BRINP3: variants seen among roughly 807,000 people sequenced by gnomAD.
BRINP3 encodes BMP/retinoic acid inducible neural specific 3.
In BRINP3, 19 loss-of-function variants were observed where a neutral mutation model predicts 71.0. The observed-to-expected ratio is 0.27, with a 90% CI of 0.19 to 0.39. The LOEUF is 0.39. Ranked by LOEUF, BRINP3 falls within the 10% of genes least tolerant of loss-of-function variation. The pLI, the probability that BRINP3 is intolerant of heterozygous loss-of-function variation, is 1.00. For missense variants in BRINP3, 959 were observed against 940.8 expected (o/e 1.02, Z -0.25); for synonymous variants, 380 against 337.7 (o/e 1.13, Z -1.37).
At chr1:190,453,358 C>T (rs1341753986) in intron 2 of BRINP3, among the ~76,000 whole-genome samples, 3 of 151,054 alleles carry the variant, frequency 2.0e-5, no homozygotes, top group Non-Finnish European at 4.4e-5. Context: ...GTAGCTGGGA[C>T]TACAGGCGCT....
At chr1:190,397,113 T>C (rs1671629525) in intron 2 of BRINP3, among the ~76,000 whole-genome samples, 2 of 151,880 alleles carry the variant, frequency 1.3e-5, no homozygotes, top group African/African-American at 4.8e-5. Flanking sequence ...AAAATTTAGA[T>C]AGATTTTGGT....
intron 2 of BRINP3, among the ~76,000 whole-genome samples, chr1:190,348,503 T>C (rs1363112254): frequency 6.6e-6 from 1 of 152,182 alleles, no homozygotes; most frequent in Non-Finnish European, 1.5e-5. Flanking sequence ...AGTTTGTTTC[T>C]GTCTGTGCTT....
intron 2 of BRINP3, among the ~76,000 whole-genome samples, chr1:190,380,038 A>C (rs1026860074): frequency 7.2e-6 from 1 of 138,032 alleles, no homozygotes; most frequent in African/African-American, 2.6e-5. Context: ...AAAAAAAAAA[A>C]GAATATTTTT....
chr1:190,413,785 G>T (rs1179124908), intron 2 of BRINP3, among the ~76,000 whole-genome samples: 2 of 151,890 alleles, frequency 1.3e-5, no homozygotes, highest in Non-Finnish European at 2.9e-5. Context: ...GCAGCTGAGA[G>T]AAACTAACAT....
At chr1:190,124,478 T>C (rs1428746748) in intron 7 of BRINP3, among the ~76,000 whole-genome samples, 3 of 152,146 alleles carry the variant, frequency 2.0e-5, no homozygotes, top group African/African-American at 4.8e-5. Flanking sequence ...CAATAACTTA[T>C]GTTTTTATTC....
rs943624663 is a variant in BRINP3, at chr1:190,355,042, C to A, written c.237-73292G>T. On this transcript the variant is annotated intron_variant, in intron 2 of 7. Transcript: ENST00000367462. ...TCTTCAGATTTTATGAATAAGAAAT[C>A]AGAATTCTCAGGAAAACTCAGGAAT... Among the ~76,000 whole-genome samples the A allele has an allele frequency of 7.2e-5, 11 of 151,768 alleles. No individual in the cohort carries two copies. In the Admixed American group the frequency reaches 7.3e-4, roughly 10 times the overall value.
intron 1 of BRINP3, among the ~76,000 whole-genome samples, chr1:190,461,988 G>A (rs975077565): frequency 2.6e-5 from 4 of 152,114 alleles, no homozygotes; most frequent in Admixed American, 6.6e-5. Flanking sequence ...GATCTCAGTC[G>A]CTGCAACCTC....
chr1:190,411,650 A>G (rs1042188352), intron 2 of BRINP3, among the ~76,000 whole-genome samples: 6 of 152,202 alleles, frequency 3.9e-5, no homozygotes, highest in Non-Finnish European at 8.8e-5. Flanking sequence ...TATGGTCTAT[A>G]TAACTAAGGT....
intron 2 of BRINP3, among the ~76,000 whole-genome samples, chr1:190,397,791 T>C (rs1671675061): frequency 6.6e-6 from 1 of 151,884 alleles, no homozygotes; most frequent in African/African-American, 2.4e-5. Flanking sequence ...CCTTACAATT[T>C]ATTAAGAAAA....
chr1:190,228,681 C>A (rs1439937577), intron 5 of BRINP3, among the ~76,000 whole-genome samples: 5 of 151,876 alleles, frequency 3.3e-5, no homozygotes. Flanking sequence ...GCTCAAAACA[C>A]TTGAATTTTA....
chr1:190,111,561 A>G (rs973398330), intron 7 of BRINP3, among the ~76,000 whole-genome samples: 5 of 152,178 alleles, frequency 3.3e-5, no homozygotes, highest in African/African-American at 1.2e-4. Flanking sequence ...CCTTAGAGTT[A>G]GAGGTAGCTA....
rs1269606059 is a variant in BRINP3 at position 190,412,412 on chromosome 1, T to TAC, written c.236+42242_236+42243insGT. On this transcript the variant is annotated intron_variant, in intron 2 of 7. Coordinates refer to ENST00000367462, the MANE Select transcript of BRINP3 (RefSeq NM_199051.3). ...TATATATATTATATATATATATATA[T>TAC]ATACACTTTTTTTTACTATGTAGTA... Among the ~76,000 whole-genome samples, 16 of 141,016 alleles carry TAC rather than the reference T, an allele frequency of 1.1e-4. No homozygotes were observed. In the South Asian group the frequency reaches 1.8e-3, roughly 16 times the overall value. 92.5% of individuals were successfully genotyped at this position (141,016 alleles called of 152,430 possible).
At chr1:190,240,633 G>T (rs1249774422) in intron 4 of BRINP3, among the ~76,000 whole-genome samples, 4 of 151,926 alleles carry the variant, frequency 2.6e-5, no homozygotes, top group Non-Finnish European at 4.4e-5. Context: ...ACTTTGGGAG[G>T]CCGAGGAGGG....
chr1:190,232,651 A>C (rs999471456), intron 5 of BRINP3, among the ~76,000 whole-genome samples: 1 of 151,684 alleles, frequency 6.6e-6, no homozygotes, highest in African/African-American at 2.4e-5. Context: ...TGCTTCATTT[A>C]TTCCTTGTGT....
At chr1:190,262,478 C>A (rs1661269876) in intron 4 of BRINP3, among the ~76,000 whole-genome samples, 1 of 152,142 alleles carries the variant, frequency 6.6e-6, no homozygotes, top group Admixed American at 6.5e-5. Flanking sequence ...TTAGTTACAG[C>A]ACAAGATGGG....
At chr1:190,407,171 A>C (rs1487796916) in intron 2 of BRINP3, among the ~76,000 whole-genome samples, 1 of 152,204 alleles carries the variant, frequency 6.6e-6, no homozygotes, top group Non-Finnish European at 1.5e-5. Context: ...ACACAGGCTT[A>C]GTAGAAATAG....
intron 7 of BRINP3, among the ~76,000 whole-genome samples, chr1:190,136,780 G>C (rs1655011552): frequency 6.6e-6 from 1 of 151,926 alleles, no homozygotes; most frequent in East Asian, 1.9e-4. Context: ...ATACTAATAG[G>C]AAGCAAATGT....
intron 6 of BRINP3, among the ~76,000 whole-genome samples, chr1:190,187,107 G>A (rs1653599088): frequency 6.6e-6 from 1 of 152,076 alleles, no homozygotes; most frequent in Admixed American, 6.6e-5. Flanking sequence ...ATATGTATTT[G>A]GATTTCCCTG....
At chr1:190,200,265 TG>T (rs201832015) in intron 6 of BRINP3, among the ~76,000 whole-genome samples, 5,420 of 152,248 alleles carry the variant, frequency 0.036, 150 homozygotes, top group Middle Eastern at 0.065. Context: ...GCTAAATTTG[TG>T]AATTATGCCA....
Sources: gnomAD v4.1 joint callset for allele counts (sites outside exome capture counted in the v4.1 genomes callset) on GRCh38, gnomAD v4.1.1 for gene constraint, MANE v1.5 for transcripts, NCBI Gene and HGNC (gene_info 2026-07-23, HGNC 2026-07-21) for gene names.